Variants in SUPT3H observed in about 807,000 individuals in gnomAD.
The protein encoded by SUPT3H is SPT3 homolog, SAGA and STAGA complex component.
Under a neutral mutation model 44.3 loss-of-function variants are expected in SUPT3H, and 44 were observed. The ratio of observed to expected loss-of-function variants is 0.99; its 90% CI spans 0.78 to 1.28. SUPT3H has a LOEUF of 1.28. SUPT3H is among the 50% of genes most tolerant of loss of function. The pLI, the probability that SUPT3H is intolerant of heterozygous loss-of-function variation, is 0.00. For missense variants in SUPT3H, 380 were observed against 387.1 expected, an observed-to-expected ratio of 0.98 and a Z score of 0.15; for synonymous variants, 124 against 125.6, an observed-to-expected ratio of 0.99 and a Z score of 0.09.
rs183024833 is a variant in SUPT3H at position 45,196,024 on chromosome 6, T to A, written c.102-90018A>T. On this transcript the variant is annotated intron_variant, in intron 2 of 10. Coordinates refer to ENST00000371459, the MANE Select transcript of SUPT3H (RefSeq NM_003599.4). The stretch of plus-strand genomic sequence containing the variant: ...CATATAGTAACAAATATTTACAGGT[T>A]AGAAAAGTGAGCTGACACTAGCACG... Among the ~76,000 whole-genome samples, 21 of 152,246 alleles carry A rather than the reference T, an allele frequency of 1.4e-4. No homozygotes were observed. In the East Asian group the frequency reaches 3.9e-3, roughly 28 times the overall value.
intron 2 of SUPT3H, among the ~76,000 whole-genome samples, chr6:45,235,293 A>G (rs1768882623): frequency 6.6e-6 from 1 of 152,196 alleles, no homozygotes; most frequent in Non-Finnish European, 1.5e-5. Context: ...TGAAAAGTTT[A>G]AATTACTGAT....
chr6:45,174,149 A>G (rs2153607973), intron 2 of SUPT3H, among the ~76,000 whole-genome samples: 1 of 152,350 alleles, frequency 6.6e-6, no homozygotes, highest in African/African-American at 2.4e-5. Context: ...AAGACTTTTC[A>G]ATGTGCAGCT....
At chr6:45,367,013 T>C (rs1795244953) in intron 1 of SUPT3H, among the ~76,000 whole-genome samples, 3 of 152,166 alleles carry the variant, frequency 2.0e-5, no homozygotes, top group South Asian at 4.1e-4. Flanking sequence ...CAGGGTCACT[T>C]ACCAAGGGCT....
intron 3 of SUPT3H, among the ~76,000 whole-genome samples, chr6:45,065,306 A>C (rs1376493279): frequency 7.1e-6 from 1 of 140,928 alleles, no homozygotes; most frequent in African/African-American, 2.7e-5. Context: ...GACGCATTCA[A>C]AGCAGTGTGT....
chr6:44,893,225 G>A (rs1036974629), intron 10 of SUPT3H, among the ~76,000 whole-genome samples: 15 of 151,810 alleles, frequency 9.9e-5, no homozygotes, highest in Non-Finnish European at 2.2e-4. Context: ...TAATAAAAAT[G>A]TATTTTTTTT....
chr6:45,276,468 A>C (rs1300257132), intron 2 of SUPT3H, among the ~76,000 whole-genome samples: 9 of 152,132 alleles, frequency 5.9e-5, no homozygotes, highest in Non-Finnish European at 1.5e-5. Context: ...AGATTACAAT[A>C]ATGGCCCCAA....
chr6:45,163,266 C>T lies in SUPT3H; in HGVS notation c.102-57260G>A, dbSNP rs116054216. Among the ~76,000 whole-genome samples the T allele has an allele frequency of 7.8e-3, 1,190 of 152,256 alleles. 17 individuals carry two copies. Among genetic ancestry groups the T allele is most frequent in the African/African-American group, 0.026 (1,091 of 41,564 alleles). Reference sequence around the variant, plus strand: ...GCTCAAGTTGGTACAATTCATTTCACTGCTAATTGCATTGTTAATTGTGAT... The same window carrying T: ...GCTCAAGTTGGTACAATTCATTTCATTGCTAATTGCATTGTTAATTGTGAT... On this transcript the variant is annotated intron_variant, in intron 2 of 10. Coordinates refer to ENST00000371459, the MANE Select transcript of SUPT3H (RefSeq NM_003599.4).
intron 2 of SUPT3H, among the ~76,000 whole-genome samples, chr6:45,344,165 C>T (rs1790384641): frequency 1.3e-5 from 2 of 152,150 alleles, no homozygotes; most frequent in African/African-American, 4.8e-5. Flanking sequence ...AGAACATCCA[C>T]TAAATACTTA....
chr6:44,812,491 T>C (rs1766599783), intron 11 of SUPT3H, among the ~76,000 whole-genome samples: 3 of 152,240 alleles, frequency 2.0e-5, no homozygotes, highest in Admixed American at 6.5e-5. Context: ...ATGTGGATAA[T>C]CTAGGATAAC....
chr6:45,086,308 G>A (rs1796468796), intron 3 of SUPT3H, among the ~76,000 whole-genome samples: 1 of 151,834 alleles, frequency 6.6e-6, no homozygotes, highest in Non-Finnish European at 1.5e-5. Context: ...GTGTAAAATC[G>A]GATATTAATC....
intron 10 of SUPT3H, among the ~76,000 whole-genome samples, chr6:44,882,565 T>C (rs1043350367): frequency 1.3e-5 from 2 of 152,084 alleles, no homozygotes; most frequent in African/African-American, 2.4e-5. Context: ...TACCAAAACC[T>C]GGAAGAGACA....
chr6:45,353,913 G>GA (rs934368578), intron 2 of SUPT3H, among the ~76,000 whole-genome samples: 5 of 145,238 alleles, frequency 3.4e-5, no homozygotes, highest in African/African-American at 1.0e-4. Context: ...TCCTTAATAG[G>GA]AAAAAAAAAT....
At chr6:45,179,648 T>A (rs1182065429) in intron 2 of SUPT3H, among the ~76,000 whole-genome samples, 1 of 152,198 alleles carries the variant, frequency 6.6e-6, no homozygotes, top group East Asian at 1.9e-4. Flanking sequence ...TCTCAATAGA[T>A]GCAGAAAAGG....
chr6:45,222,848 T>C (rs1358022770), intron 2 of SUPT3H, among the ~76,000 whole-genome samples: 2 of 152,172 alleles, frequency 1.3e-5, no homozygotes, highest in Non-Finnish European at 2.9e-5. Flanking sequence ...CACCATGGAA[T>C]ACTCTTATCA....
At chr6:45,217,164 T>C (rs1194729499) in intron 2 of SUPT3H, among the ~76,000 whole-genome samples, 2 of 151,602 alleles carry the variant, frequency 1.3e-5, no homozygotes, top group African/African-American at 4.8e-5. Context: ...AAAAATAAAG[T>C]TTCTACATTT....
At chr6:44,857,894 G>T (rs1774003028) in intron 10 of SUPT3H, among the ~76,000 whole-genome samples, 1 of 152,142 alleles carries the variant, frequency 6.6e-6, no homozygotes, top group African/African-American at 2.4e-5. Context: ...CAGGAGGGAA[G>T]TAAAGACTTG....
chr6:45,238,672 T>C (rs1470040810), intron 2 of SUPT3H, among the ~76,000 whole-genome samples: 2 of 152,226 alleles, frequency 1.3e-5, no homozygotes, highest in Non-Finnish European at 2.9e-5. Context: ...AGAATGGCTT[T>C]TTCTTCCACA....
chr6:44,920,469 C>T (rs567112562), intron 10 of SUPT3H, among the ~76,000 whole-genome samples: 26 of 149,944 alleles, frequency 1.7e-4, no homozygotes, highest in Admixed American at 1.1e-3. Context: ...GCCTGAGGTA[C>T]GAGGATCACT....
intron 10 of SUPT3H, among the ~76,000 whole-genome samples, chr6:44,900,732 G>A (rs12191725): frequency 0.21 from 31,201 of 152,092 alleles, 3,902 homozygotes; most frequent in Non-Finnish European, 0.29. Context: ...TCCTCAAGTG[G>A]GTCCCTGACC....
Sources: allele counts gnomAD v4.1 joint callset (sites outside exome capture counted in the v4.1 genomes callset), GRCh38; gene constraint gnomAD v4.1.1; transcripts MANE v1.5; gene names NCBI Gene and HGNC (gene_info 2026-07-23, HGNC 2026-07-21).